CTNNA3: variants seen among roughly 807,000 people sequenced by gnomAD.
The protein encoded by CTNNA3 is catenin alpha-3.
In CTNNA3, 76 loss-of-function variants were observed where a neutral mutation model predicts 95.7. The ratio of observed to expected loss-of-function variants is 0.79; its 90% CI spans 0.66 to 0.96. The LOEUF (loss-of-function observed/expected upper bound fraction) is 0.96. Ranked by LOEUF, CTNNA3 falls within the 40% of genes least tolerant of loss-of-function variation. CTNNA3 has a pLI of 0.00. For synonymous variants in CTNNA3, 431 were observed against 374.4 expected, an observed-to-expected ratio of 1.15 and a Z score of -1.74; for missense variants, 1,191 against 1,089.8, an observed-to-expected ratio of 1.09 and a Z score of -1.31.
intron 11 of CTNNA3, among the ~76,000 whole-genome samples, chr10:66,508,773 T>C (rs918148996): frequency 4.6e-5 from 7 of 152,140 alleles, no homozygotes; most frequent in African/African-American, 1.7e-4. Flanking sequence ...ATTTTCTTTA[T>C]CAATTCAACC....
At chr10:67,580,949 A>C (rs1426327079) in intron 3 of CTNNA3, among the ~76,000 whole-genome samples, 2 of 152,148 alleles carry the variant, frequency 1.3e-5, no homozygotes, top group African/African-American at 2.4e-5. Context: ...CAGCTTAAGG[A>C]GATTTTGGGC....
At chr10:66,183,574 A>G (rs1013849786) in intron 13 of CTNNA3, among the ~76,000 whole-genome samples, 1 of 152,354 alleles carries the variant, frequency 6.6e-6, no homozygotes, top group African/African-American at 2.4e-5. Context: ...TACTATGCCA[A>G]TGGGCATTGG....
At chr10:66,626,930 CACAACAACA>C (rs3053862) in intron 9 of CTNNA3, among the ~76,000 whole-genome samples, 5 of 150,654 alleles carry the variant, frequency 3.3e-5, no homozygotes, top group South Asian at 4.2e-4. Context: ...CATACACACA[CACAACAACA>C]ACAACAACAA....
chr10:66,493,027 T>A (rs1839977354), intron 11 of CTNNA3, among the ~76,000 whole-genome samples: 1 of 152,126 alleles, frequency 6.6e-6, no homozygotes, highest in Non-Finnish European at 1.5e-5. Flanking sequence ...AAAACTACTG[T>A]GAACATACCA....
chr10:66,927,739 C>T lies in CTNNA3; in HGVS notation c.1048-152215G>A. The T allele has an allele frequency of 1.2e-6, 2 of 1,614,156 alleles. No homozygotes were observed. Among genetic ancestry groups the T allele is most frequent in the Non-Finnish European group, 1.7e-6 (2 of 1,180,030 alleles). ...AGCTTTCAGTGGACCCAGTGTTTTC[C>T]AGTGTGTCCCGAATCTGCAGCGCCT... On this transcript the variant is annotated intron_variant, in intron 7 of 17. Coordinates refer to ENST00000433211, the MANE Select transcript of CTNNA3 (RefSeq NM_013266.4). This position sits in a 1 kb window ranked among gnomAD's most constrained non-coding sequence, Gnocchi z 4.7.
chr10:66,150,449 T>C (rs2084140094), intron 13 of CTNNA3, among the ~76,000 whole-genome samples: 1 of 152,106 alleles, frequency 6.6e-6, no homozygotes, highest in Admixed American at 6.6e-5. Flanking sequence ...CCAAAATATA[T>C]CTATTATGGT....
intron 13 of CTNNA3, among the ~76,000 whole-genome samples, chr10:66,104,555 A>C (rs1188428847): frequency 2.0e-5 from 3 of 152,180 alleles, no homozygotes; most frequent in African/African-American, 7.2e-5. Context: ...CAAGTAGTAC[A>C]CATTGTGCCC....
intron 5 of CTNNA3, among the ~76,000 whole-genome samples, chr10:67,329,566 C>T (rs1841693825): frequency 6.6e-6 from 1 of 152,142 alleles, no homozygotes; most frequent in Admixed American, 6.5e-5. Context: ...TTTACATTTA[C>T]AGCATGATTT....
chr10:67,667,340 T>TTTTTAGA (rs1840349892), intron 1 of CTNNA3, among the ~76,000 whole-genome samples: 1 of 152,152 alleles, frequency 6.6e-6, no homozygotes, highest in African/African-American at 2.4e-5. Context: ...AATTTTACTA[T>TTTTTAGA]CTAATTAGCT....
chr10:66,402,401 T>C (rs1398267077), intron 11 of CTNNA3, among the ~76,000 whole-genome samples: 1 of 152,088 alleles, frequency 6.6e-6, no homozygotes, highest in Non-Finnish European at 1.5e-5. Flanking sequence ...CCAAAAAGAG[T>C]GTCAGGAATA....
intron 1 of CTNNA3, among the ~76,000 whole-genome samples, chr10:67,648,972 C>T (rs1265196852): frequency 6.6e-6 from 1 of 152,202 alleles, no homozygotes. Flanking sequence ...CCTTCTAACA[C>T]AGGGAAATCT....
chr10:67,374,680 T>C (rs1197759473), intron 5 of CTNNA3, among the ~76,000 whole-genome samples: 1 of 152,126 alleles, frequency 6.6e-6, no homozygotes, highest in Non-Finnish European at 1.5e-5. Flanking sequence ...TACAGGTAAA[T>C]AATGTCTAGT....
intron 1 of CTNNA3, among the ~76,000 whole-genome samples, chr10:67,657,523 T>TA (rs1166610998): frequency 2.0e-5 from 3 of 151,720 alleles, no homozygotes; most frequent in Non-Finnish European, 2.9e-5. Flanking sequence ...TCAGGTGAAT[T>TA]AAAAAAATAT....
intron 7 of CTNNA3, among the ~76,000 whole-genome samples, chr10:66,957,365 A>G (rs1182819311): frequency 6.8e-6 from 1 of 146,500 alleles, no homozygotes; most frequent in Non-Finnish European, 1.5e-5. Context: ...GAAGAAATAT[A>G]TCCAGAATAT....
At chr10:66,858,440 C>T (rs1329914925) in intron 7 of CTNNA3, among the ~76,000 whole-genome samples, 4 of 151,984 alleles carry the variant, frequency 2.6e-5, no homozygotes, top group African/African-American at 9.7e-5. Context: ...GGATTCTCCT[C>T]TCCTCAATAT....
chr10:66,720,600 A>C (rs1848596820), intron 9 of CTNNA3, among the ~76,000 whole-genome samples: 1 of 152,152 alleles, frequency 6.6e-6, no homozygotes, highest in Non-Finnish European at 1.5e-5. Context: ...TGGGAGACTC[A>C]GGCGGGTGGA....
At chr10:66,737,195 C>T (rs570969578) in intron 9 of CTNNA3, among the ~76,000 whole-genome samples, 1 of 152,226 alleles carries the variant, frequency 6.6e-6, no homozygotes, top group South Asian at 2.1e-4. Context: ...TTTTTTATTT[C>T]TAGTTCACTT....
chr10:67,629,982 A>G (rs1839087221), intron 2 of CTNNA3, among the ~76,000 whole-genome samples: 2 of 152,170 alleles, frequency 1.3e-5, no homozygotes, highest in African/African-American at 4.8e-5. Context: ...CTCCTCAAAA[A>G]GAGGATGCTA....
In CTNNA3 at chr10:67,302,054, A is replaced by C. The variant is rs571263368; in HGVS notation, c.580-82184T>G. ...AAGAAAGAAAGAAAGAAAGAAAGAA[A>C]GAAAGAAAGAAAGAAAGAAAGAAAG... is the stretch of plus-strand genomic sequence containing the variant. On this transcript the variant is annotated intron_variant, in intron 5 of 17. Transcript: ENST00000433211. 5.1e-3 allele frequency among the ~76,000 whole-genome samples: 473 copies of C among 92,586 alleles called. 101 individuals carry two copies. The highest frequency in any genetic ancestry group is 0.034 in the African/African-American group (434 of 12,712). 60.7% of individuals were successfully genotyped at this position (92,586 alleles called of 152,430 possible). A position where few individuals can be genotyped will look rare whatever the true frequency, so the allele number is the denominator to read the frequency against.
Sources: gnomAD v4.1 joint callset for allele counts (sites outside exome capture counted in the v4.1 genomes callset) on GRCh38, gnomAD v4.1.1 for gene constraint, Gnocchi (gnomAD v3.1) non-coding constraint, MANE v1.5 for transcripts, NCBI Gene and HGNC (gene_info 2026-07-23, HGNC 2026-07-21) for gene names.